AHI1: variants seen among roughly 807,000 people sequenced by gnomAD.
The protein encoded by AHI1 is Abelson helper integration site 1, also known as jouberin.
In AHI1, 123 loss-of-function variants were observed where a neutral mutation model predicts 149.3. The observed-to-expected ratio is 0.82, with a 90% CI of 0.71 to 0.96. The LOEUF (loss-of-function observed/expected upper bound fraction) is 0.96, where lower values mean the gene tolerates loss of function less well. Among genes scored for constraint, AHI1 ranks in the 40% least tolerant of loss-of-function variants. The pLI, the probability that AHI1 is intolerant of heterozygous loss-of-function variation, is 0.00. For synonymous variants in AHI1, 475 were observed against 459.8 expected (o/e 1.03, Z -0.42); for missense variants, 1,439 against 1,422.7 (o/e 1.01, Z -0.18).
At chr6:135,477,494 CTG>C (rs923541638) in intron 5 of AHI1, among the ~76,000 whole-genome samples, 2 of 152,276 alleles carry the variant, frequency 1.3e-5, no homozygotes, top group Admixed American at 1.3e-4. Context: ...TGGTTTGGCT[CTG>C]TGTCTCCACC....
chr6:135,300,606 A>C, intron 26 of AHI1, 48 bp from the exon 27 acceptor site: 1 of 1,566,190 alleles, frequency 6.4e-7, no homozygotes, highest in Non-Finnish European at 8.7e-7. Flanking sequence ...ATGAGAAAAG[A>C]CAACACAGTC....
chr6:135,339,516 C>A (rs1056395781), intron 24 of AHI1, among the ~76,000 whole-genome samples: 4 of 152,104 alleles, frequency 2.6e-5, no homozygotes, highest in Non-Finnish European at 5.9e-5. Flanking sequence ...TTTTAAAAAA[C>A]AAGTGAAATT....
At chr6:135,333,255 A>C (rs1457559967) in intron 24 of AHI1, among the ~76,000 whole-genome samples, 2 of 152,242 alleles carry the variant, frequency 1.3e-5, no homozygotes, top group African/African-American at 4.8e-5. Flanking sequence ...AAAGATAAAA[A>C]ATATTTGTAG....
chr6:135,412,815 T>C (rs1481148078), intron 20 of AHI1, among the ~76,000 whole-genome samples: 1 of 152,174 alleles, frequency 6.6e-6, no homozygotes, highest in Non-Finnish European at 1.5e-5. Flanking sequence ...GGATTCATAA[T>C]ATGGAATCAA....
At chr6:135,317,804 C>T (rs1285097737) in intron 26 of AHI1, among the ~76,000 whole-genome samples, 3 of 152,082 alleles carry the variant, frequency 2.0e-5, no homozygotes, top group Non-Finnish European at 4.4e-5. Flanking sequence ...ATGATATGTA[C>T]ATGAAATGTA....
intron 17 of AHI1, 85 bp downstream of exon 17, chr6:135,431,123 T>A (rs1562753137): frequency 1.2e-6 from 1 of 823,482 alleles, no homozygotes; most frequent in Non-Finnish European, 1.8e-6. Flanking sequence ...GAACAGAATG[T>A]CCTGACATCC....
At chr6:135,453,258 T>G in intron 11 of AHI1, 83 bp downstream of exon 11, 2 of 1,069,616 alleles carry the variant, frequency 1.9e-6, no homozygotes, top group South Asian at 2.7e-5. Context: ...ATTCCTTATA[T>G]GAGACCAAAC....
At chr6:135,402,736 A>G (rs1457447824) in intron 22 of AHI1, among the ~76,000 whole-genome samples, 1 of 152,210 alleles carries the variant, frequency 6.6e-6, no homozygotes, top group East Asian at 1.9e-4. Context: ...AATGAATAGT[A>G]AATGTACATC....
At chr6:135,416,912 G>C (rs1248068547) in intron 20 of AHI1, among the ~76,000 whole-genome samples, 1 of 152,062 alleles carries the variant, frequency 6.6e-6, no homozygotes, top group East Asian at 1.9e-4. Context: ...TTTTTAAACA[G>C]AAGTGTAGCC....
chr6:135,390,211 T>C (rs868280094), intron 23 of AHI1, among the ~76,000 whole-genome samples: 2 of 152,142 alleles, frequency 1.3e-5, no homozygotes, highest in African/African-American at 4.8e-5. Context: ...AACTTCTCTG[T>C]ACAGAGCCTG....
At chr6:135,317,439 C>T (rs1464353451) in intron 26 of AHI1, among the ~76,000 whole-genome samples, 2 of 149,778 alleles carry the variant, frequency 1.3e-5, no homozygotes, top group Non-Finnish European at 3.0e-5. Context: ...TCTAACTTCA[C>T]TGACCTAACA....
chr6:135,296,176 G>C (rs1783068019), intron 27 of AHI1, among the ~76,000 whole-genome samples: 1 of 152,206 alleles, frequency 6.6e-6, no homozygotes, highest in African/African-American at 2.4e-5. Flanking sequence ...TATATCAAGT[G>C]TATCTCTTTA....
intron 17 of AHI1, among the ~76,000 whole-genome samples, chr6:135,430,849 T>C (rs115454219): frequency 2.6e-4 from 40 of 152,084 alleles, no homozygotes; most frequent in African/African-American, 9.1e-4. Flanking sequence ...TTTAGAGATA[T>C]AATTGGACCA....
intron 27 of AHI1, among the ~76,000 whole-genome samples, chr6:135,300,159 T>C (rs1783672774): frequency 6.6e-6 from 1 of 151,964 alleles, no homozygotes; most frequent in Non-Finnish European, 1.5e-5. Flanking sequence ...ACCCTGTCTC[T>C]ACTAAAAATA....
At chr6:135,479,276 T>C (rs1482900466) in intron 5 of AHI1, among the ~76,000 whole-genome samples, 4 of 152,210 alleles carry the variant, frequency 2.6e-5, no homozygotes, top group Non-Finnish European at 2.9e-5. Flanking sequence ...GTTTGCACCA[T>C]GCACCCAGAA....
chr6:135,293,310 T>C (rs902799368), intron 27 of AHI1, among the ~76,000 whole-genome samples: 1 of 147,108 alleles, frequency 6.8e-6, no homozygotes, highest in Non-Finnish European at 1.5e-5. Flanking sequence ...ATTTCCCACA[T>C]GATCAGGAAC....
At chr6:135,360,745 G>A (rs1793736598) in intron 23 of AHI1, among the ~76,000 whole-genome samples, 1 of 152,124 alleles carries the variant, frequency 6.6e-6, no homozygotes, top group Non-Finnish European at 1.5e-5. Context: ...GTTGATGTTA[G>A]TATGAAATAT....
At chr6:135,449,565 G>A (rs1787775171) in intron 11 of AHI1, among the ~76,000 whole-genome samples, 1 of 152,004 alleles carries the variant, frequency 6.6e-6, no homozygotes, top group Non-Finnish European at 1.5e-5. Context: ...GTGCCCGGAA[G>A]GTATTTAACA....
At chr6:135,292,778 C>G (rs1782528022) in intron 27 of AHI1, among the ~76,000 whole-genome samples, 1 of 152,132 alleles carries the variant, frequency 6.6e-6, no homozygotes, top group Admixed American at 6.5e-5. Context: ...TGAGCAATGT[C>G]TCATGAAATA....
Sources: gnomAD v4.1 joint callset for allele counts (sites outside exome capture counted in the v4.1 genomes callset) on GRCh38, gnomAD v4.1.1 for gene constraint, MANE v1.5 for transcripts, NCBI Gene and HGNC (gene_info 2026-07-23, HGNC 2026-07-21) for gene names.